The following TENM4 variants were observed in gnomAD, a reference collection of about 807,000 sequenced individuals.
TENM4 encodes the protein teneurin transmembrane protein 4.
TENM4 carries 82 observed loss-of-function variants against 243.3 expected under a neutral mutation model. The observed-to-expected ratio is 0.34, with a 90% CI of 0.28 to 0.40. The LOEUF (loss-of-function observed/expected upper bound fraction) is 0.40. Ranked by LOEUF, TENM4 falls within the 10% of genes least tolerant of loss-of-function variation. TENM4 has a pLI of 1.00. For missense variants in TENM4, 3,138 were observed against 3,673.3 expected (o/e 0.85, Z 3.77); for synonymous variants, 1,412 against 1,456.3 (o/e 0.97, Z 0.69).
rs925231288 is a variant in TENM4, at chr11:78,903,505, T to G, written c.512A>C (p.Gln171Pro). The change falls in exon 7 of 34, where the codon CAG (glutamine) becomes CCG (proline). Residue 171 changes from glutamine to proline, a missense_variant. Transcript: ENST00000278550. ...CGGCGTCCGGAGCCGCGCGTGGTTCTGCAGGCCGCCCGGATGATCTAGGGC... is the reference window on the plus strand; with the variant it reads ...CGGCGTCCGGAGCCGCGCGTGGTTCGGCAGGCCGCCCGGATGATCTAGGGC... ...NTETDHPGGL[Q>P]NHARLRTPPP... is the part of the protein sequence containing the mutation. 6 of 1,547,474 alleles carry G rather than the reference T, an allele frequency of 3.9e-6. No homozygotes were observed. Among genetic ancestry groups the G allele is most frequent in the Non-Finnish European group, 4.4e-6 (5 of 1,146,608 alleles).
chr11:78,940,423 C>T (rs7480581), intron 6 of TENM4, among the ~76,000 whole-genome samples: 5,717 of 152,236 alleles, frequency 0.038, 376 homozygotes, highest in African/African-American at 0.13. Flanking sequence ...ACAGAGGACC[C>T]CCATCCCCAC....
At chr11:78,978,689 GA>G (rs1191501550) in intron 6 of TENM4, among the ~76,000 whole-genome samples, 1 of 151,744 alleles carries the variant, frequency 6.6e-6, no homozygotes, top group Non-Finnish European at 1.5e-5. Flanking sequence ...ACTAGATTGG[GA>G]AAAAAAATTA....
In TENM4 at chr11:79,050,376, G is replaced by A. The variant is rs533464106; in HGVS notation, c.493+14362C>T. 1.1e-3 allele frequency among the ~76,000 whole-genome samples: 174 copies of A among 152,300 alleles called. 6 individuals carry two copies. In the South Asian group the frequency reaches 0.034, roughly 30 times the overall value. On this transcript the variant is annotated intron_variant, in intron 6 of 33. Coordinates refer to ENST00000278550, the MANE Select transcript of TENM4 (RefSeq NM_001098816.3). ...AAGGGCAAATCCTTTGGGCTTAAGC[G>A]GTTTCCCTCTTTTTGCTACCAGGTG...
At position 78,657,053 on chromosome 11, in the gene TENM4, A is replaced by AAGG. The variant is rs1433931039; in HGVS notation, c.*1002_*1004dup. 7.5e-6 allele frequency: 3 copies of AAGG among 398,568 alleles called. No homozygotes were observed. Among genetic ancestry groups the AAGG allele is most frequent in the African/African-American group, 6.2e-5 (3 of 48,636 alleles). 24.7% of individuals were successfully genotyped at this position (398,568 alleles called of 1,614,324 possible). A position where few individuals can be genotyped will look rare whatever the true frequency, so the allele number is the denominator to read the frequency against. On this transcript the variant is annotated 3_prime_UTR_variant, in exon 34 of 34. Coordinates refer to ENST00000278550, the MANE Select transcript of TENM4 (RefSeq NM_001098816.3). ...TCATAGAGAGAGGGCTTTGCCTCGGAAGGCAGGCTGGTGCCCTCGCCACCA... is the reference window on the plus strand; with the variant it reads ...TCATAGAGAGAGGGCTTTGCCTCGGAAGGAGGCAGGCTGGTGCCCTCGCCACCA...
chr11:78,676,394 G>C lies in TENM4; in HGVS notation c.5261-7C>G. On this transcript the variant is annotated splice_region_variant and splice_polypyrimidine_tract_variant and intron_variant, in intron 29 of 33. Coordinates refer to ENST00000278550, the MANE Select transcript of TENM4 (RefSeq NM_001098816.3). ...TAGCTGTTCCGGACTTGGTCTGCAG[G>C]AGAGGACAAGCACAGACTGCTCAGA... The C allele has an allele frequency of 6.3e-7, 1 of 1,588,922 alleles. No homozygotes were observed. The highest frequency in any genetic ancestry group is 8.6e-7 in the Non-Finnish European group (1 of 1,161,216).
chr11:79,317,203 T>C (rs1050942101), intron 1 of TENM4, among the ~76,000 whole-genome samples: 2 of 152,238 alleles, frequency 1.3e-5, no homozygotes, highest in Non-Finnish European at 2.9e-5. Flanking sequence ...TTGTTAACAC[T>C]CACACACGGT....
At chr11:79,007,522 G>A (rs1266587464) in intron 6 of TENM4, among the ~76,000 whole-genome samples, 2 of 152,130 alleles carry the variant, frequency 1.3e-5, no homozygotes, top group Non-Finnish European at 2.9e-5. Context: ...GCGGTATGCA[G>A]GCAATGGACT....
At chr11:79,138,569 CATATATTTATATAAATACATAAAACAT>C (rs1565219527) in intron 4 of TENM4, among the ~76,000 whole-genome samples, 4 of 29,048 alleles carry the variant, frequency 1.4e-4, no homozygotes, top group African/African-American at 6.8e-4. Context: ...ATACATAAAA[CATATATTTATATAAATACATAAAACAT>C]ATATTATATT....
At chr11:78,891,766 T>C (rs528406164) in intron 7 of TENM4, among the ~76,000 whole-genome samples, 3 of 152,286 alleles carry the variant, frequency 2.0e-5, no homozygotes, top group South Asian at 4.1e-4. Flanking sequence ...AAGCAGGAAT[T>C]AGAGCTCAGG....
At position 79,237,433 on chromosome 11, in the gene TENM4, T is replaced by C. The variant is rs567117106; in HGVS notation, c.-264-21524A>G. 8.5e-5 allele frequency among the ~76,000 whole-genome samples: 13 copies of C among 152,282 alleles called. No individual in the cohort carries two copies. In the East Asian group the frequency reaches 9.7e-4, roughly 11 times the overall value. On this transcript the variant is annotated intron_variant, in intron 2 of 33. Coordinates refer to ENST00000278550, the MANE Select transcript of TENM4 (RefSeq NM_001098816.3). ...GGCTCATGCCTATAATCCCAGCACATTGGGAGGCCGAGGCAGGCGGATCAC... is the reference window on the plus strand; with the variant it reads ...GGCTCATGCCTATAATCCCAGCACACTGGGAGGCCGAGGCAGGCGGATCAC...
intron 2 of TENM4, among the ~76,000 whole-genome samples, chr11:79,285,626 T>C (rs377529403): frequency 2.4e-4 from 36 of 152,120 alleles, no homozygotes; most frequent in South Asian, 8.3e-4. Flanking sequence ...AACTGATAAA[T>C]GGATAAACAA....
At chr11:79,150,017 G>A (rs139923298) in intron 3 of TENM4, among the ~76,000 whole-genome samples, 2 of 152,158 alleles carry the variant, frequency 1.3e-5, no homozygotes, top group African/African-American at 4.8e-5. Flanking sequence ...GGTAGAGGTG[G>A]GAACCCACAA....
chr11:78,686,267 C>T (rs753565228), intron 29 of TENM4, among the ~76,000 whole-genome samples: 11 of 152,268 alleles, frequency 7.2e-5, no homozygotes, highest in Non-Finnish European at 1.3e-4. Flanking sequence ...GCTGAACATA[C>T]GGAGGTCCAT....
intron 4 of TENM4, among the ~76,000 whole-genome samples, chr11:79,115,871 A>G (rs1489023558): frequency 1.3e-5 from 2 of 152,168 alleles, no homozygotes; most frequent in Non-Finnish European, 1.5e-5. Context: ...CCTTCTATGT[A>G]ATCTCCAAGG....
intron 12 of TENM4, among the ~76,000 whole-genome samples, chr11:78,821,109 T>C (rs888346105): frequency 2.0e-5 from 3 of 152,242 alleles, no homozygotes; most frequent in Non-Finnish European, 2.9e-5. Context: ...AACATTTGAA[T>C]TGGAAGATCT....
chr11:79,094,084 C>A (rs768180987), intron 4 of TENM4, among the ~76,000 whole-genome samples: 1 of 152,188 alleles, frequency 6.6e-6, no homozygotes, highest in African/African-American at 2.4e-5. Flanking sequence ...TCCATCATGG[C>A]GGAAGGTTCC....
At chr11:78,790,268 G>A (rs905451770) in intron 15 of TENM4, among the ~76,000 whole-genome samples, 43 of 152,104 alleles carry the variant, frequency 2.8e-4, no homozygotes, top group African/African-American at 8.7e-4. Context: ...TGGAACTTAG[G>A]GTCAGACAAG....
At chr11:78,757,756 C>T (rs913086262) in intron 18 of TENM4, among the ~76,000 whole-genome samples, 2 of 152,162 alleles carry the variant, frequency 1.3e-5, no homozygotes, top group Non-Finnish European at 2.9e-5. Context: ...TCAGTGTAAG[C>T]GTGTGGCCTG....
intron 3 of TENM4, among the ~76,000 whole-genome samples, chr11:79,196,189 A>T (rs1382964954): frequency 6.6e-6 from 1 of 152,018 alleles, no homozygotes; most frequent in Non-Finnish European, 1.5e-5. Flanking sequence ...GTATGTCTTT[A>T]TCGGCAGCGT....
Sources: allele counts gnomAD v4.1 joint callset (sites outside exome capture counted in the v4.1 genomes callset), GRCh38; gene constraint gnomAD v4.1.1; transcripts MANE v1.5; gene names NCBI Gene and HGNC (gene_info 2026-07-23, HGNC 2026-07-21).